PCDHGA2: variants seen among roughly 807,000 people sequenced by gnomAD.
PCDHGA2 encodes the protein protocadherin gamma subfamily A, 2, also known as protocadherin gamma-A2.
A neutral mutation model predicts 59.2 loss-of-function variants in PCDHGA2; 40 were observed. The observed-to-expected ratio is 0.68, with a 90% CI of 0.52 to 0.88. The LOEUF is 0.88. PCDHGA2 is among the 40% of genes least tolerant of loss of function. The pLI is 0.00. For synonymous variants in PCDHGA2, 560 were observed against 526.0 expected, an observed-to-expected ratio of 1.06 and a Z score of -0.89; for missense variants, 1,226 against 1,204.0, an observed-to-expected ratio of 1.02 and a Z score of -0.27.
At position 141,421,672 on chromosome 5, in the gene PCDHGA2, C is replaced by T; in HGVS notation, c.2425-73135C>T. On this transcript the variant is annotated intron_variant, in intron 1 of 3. Coordinates refer to ENST00000394576, the MANE Select transcript of PCDHGA2 (RefSeq NM_018915.4). Reference sequence around the variant, plus strand: ...GATAAAAGTCAGTGAGCACGCAATTCCTGGGGCGCGATTTGCTCTTCCTAA... The same window carrying T: ...GATAAAAGTCAGTGAGCACGCAATTTCTGGGGCGCGATTTGCTCTTCCTAA... 4 of 1,613,862 alleles carry T rather than the reference C, an allele frequency of 2.5e-6. No individual in the cohort carries two copies. The highest frequency in any genetic ancestry group is 1.6e-4 in the Middle Eastern group (1 of 6,062).
intron 2 of PCDHGA2, among the ~76,000 whole-genome samples, chr5:141,501,620 T>G (rs1393018933): frequency 6.6e-6 from 1 of 152,090 alleles, no homozygotes; most frequent in Non-Finnish European, 1.5e-5. Context: ...GACTCTGGTA[T>G]AGTCTCTCAA....
chr5:141,459,311 T>A (rs1298312167), intron 1 of PCDHGA2, among the ~76,000 whole-genome samples: 1 of 152,250 alleles, frequency 6.6e-6, no homozygotes, highest in Non-Finnish European at 1.5e-5. Flanking sequence ...TATACTATTT[T>A]GTATCCATCT....
Position 141,339,550 on chromosome 5 carries a change from AC to A in PCDHGA2, c.580del (p.Leu194TrpfsTer37). 3 of 1,614,136 alleles carry A rather than the reference AC, an allele frequency of 1.9e-6. No homozygotes were observed. Among genetic ancestry groups the A allele is most frequent in the Admixed American group, 3.3e-5 (2 of 60,020 alleles). ...GAGCTGATGGGAACAAGTACCCAGA[AC>A]TGGTGCTGGAGCGCTCTCTGGACCG... ...RGADGNKYPE[L>X]VLERSLDREE... On this transcript the variant is annotated frameshift_variant, in exon 1 of 4. Transcript: ENST00000394576. LOFTEE classifies it high-confidence loss of function.
At chr5:141,426,432 C>T (rs1239073805) in intron 1 of PCDHGA2, 2 of 295,812 alleles carry the variant, frequency 6.8e-6, no homozygotes, top group African/African-American at 2.2e-5. Flanking sequence ...TGGTGGGGAA[C>T]CTTGCGGAGG....
chr5:141,421,642 G>A, intron 1 of PCDHGA2: 1 of 1,613,850 alleles, frequency 6.2e-7, no homozygotes, highest in South Asian at 1.1e-5. Flanking sequence ...GGAGGACGAA[G>A]TGGAGATAAA....
At chr5:141,365,004 C>T (rs746525916) in intron 1 of PCDHGA2, 10 of 1,613,936 alleles carry the variant, frequency 6.2e-6, no homozygotes, top group South Asian at 4.4e-5. Flanking sequence ...CTCTCCGGCA[C>T]CACGCACATC....
At position 141,476,632 on chromosome 5, in the gene PCDHGA2, T is replaced by A. The variant is rs994726301; in HGVS notation, c.2425-18175T>A. ...TGGGAAGCAACTCTTTACAAACCTATGAGCTGAGCCGAAATGAATACTTTG... is the reference window on the plus strand; with the variant it reads ...TGGGAAGCAACTCTTTACAAACCTAAGAGCTGAGCCGAAATGAATACTTTG... On this transcript the variant is annotated intron_variant, in intron 1 of 3. Transcript: ENST00000394576. The surrounding 1 kb of genome is among the most constrained non-coding windows in gnomAD (Gnocchi z 7.6). 1 of 1,614,216 alleles carries A rather than the reference T, an allele frequency of 6.2e-7. No individual in the cohort carries two copies. The highest frequency in any genetic ancestry group is 8.5e-7 in the Non-Finnish European group (1 of 1,180,028).
intron 1 of PCDHGA2, chr5:141,364,342 A>G: frequency 6.5e-7 from 1 of 1,540,308 alleles, no homozygotes; most frequent in Non-Finnish European, 8.7e-7. Flanking sequence ...TGGCGAGTCC[A>G]CCTAGGGGCT....
At chr5:141,354,547 A>G (rs977190350) in intron 1 of PCDHGA2, among the ~76,000 whole-genome samples, 3 of 152,032 alleles carry the variant, frequency 2.0e-5, no homozygotes, top group African/African-American at 7.3e-5. Context: ...TAGAGGGTCA[A>G]CTCCTGTGAG....
At position 141,485,069 on chromosome 5, in the gene PCDHGA2, G is replaced by A. The variant is rs1185236732; in HGVS notation, c.2425-9738G>A. 1.1e-6 allele frequency: 1 copy of A among 905,912 alleles called. No homozygotes were observed. Among genetic ancestry groups the A allele is most frequent in the Non-Finnish European group, 1.7e-6 (1 of 577,940 alleles). The allele number at this position is 905,912 out of a possible 1,614,324, so 56.1% of individuals were successfully genotyped here. A position where few individuals can be genotyped will look rare whatever the true frequency, so the allele number is the denominator to read the frequency against. On this transcript the variant is annotated intron_variant, in intron 1 of 3. Coordinates refer to ENST00000394576, the MANE Select transcript of PCDHGA2 (RefSeq NM_018915.4). This position sits in a 1 kb window ranked among gnomAD's most constrained non-coding sequence, Gnocchi z 5.7. ...GCGCCGGCCGAACCGCGCCAGAGCTGGCGCGGGGAAAGGGAGATAGGTGTC... is the reference window on the plus strand; with the variant it reads ...GCGCCGGCCGAACCGCGCCAGAGCTAGCGCGGGGAAAGGGAGATAGGTGTC...
At chr5:141,394,910 C>T in intron 1 of PCDHGA2, 1 of 1,613,766 alleles carries the variant, frequency 6.2e-7, no homozygotes. Context: ...CAGTGGCTGC[C>T]ATCTCCTGTG....
At chr5:141,345,979 A>G in intron 1 of PCDHGA2, 1 of 1,613,178 alleles carries the variant, frequency 6.2e-7, no homozygotes, top group Non-Finnish European at 8.5e-7. Flanking sequence ...GTCCAGGACC[A>G]CGGCCAGCCC....
chr5:141,419,378 G>C (rs777509820), intron 1 of PCDHGA2: 3 of 1,613,712 alleles, frequency 1.9e-6, no homozygotes, highest in Admixed American at 3.3e-5. Context: ...CTACGTGTCC[G>C]TGAGCGCGCA....
chr5:141,413,578 C>G, intron 1 of PCDHGA2: 1 of 1,613,870 alleles, frequency 6.2e-7, no homozygotes, highest in Non-Finnish European at 8.5e-7. Flanking sequence ...TGACAATGCT[C>G]CAAAATTCCA....
chr5:141,404,300 C>T (rs749132060), intron 1 of PCDHGA2: 3 of 1,613,862 alleles, frequency 1.9e-6, no homozygotes, highest in South Asian at 2.2e-5. Flanking sequence ...TGATAATCCA[C>T]CTGCTTTCTC....
intron 1 of PCDHGA2, chr5:141,408,445 C>T (rs759314379): frequency 2.5e-6 from 4 of 1,613,846 alleles, no homozygotes; most frequent in Admixed American, 1.7e-5. Flanking sequence ...ACGCGGAGAG[C>T]GGGGACTTAC....
At chr5:141,427,164 C>T (rs1171285271) in intron 1 of PCDHGA2, 1 of 456,682 alleles carries the variant, frequency 2.2e-6, no homozygotes, top group Non-Finnish European at 4.4e-6. Context: ...TGTGCTAGAC[C>T]ATCAAAATGG....
chr5:141,370,911 A>C lies in PCDHGA2; in HGVS notation c.2424+29516A>C, dbSNP rs1463962287. On this transcript the variant is annotated intron_variant, in intron 1 of 3. Transcript: ENST00000394576. ...CAATTCGCTGCAGCAGTACTACCTCAGCCCTGATCCGCACTTCTCTTTGAT... is the reference window on the plus strand; with the variant it reads ...CAATTCGCTGCAGCAGTACTACCTCCGCCCTGATCCGCACTTCTCTTTGAT... 3.7e-6 allele frequency: 6 copies of C among 1,613,916 alleles called. No homozygotes were observed. In the Admixed American group the frequency reaches 1.0e-4, roughly 27 times the overall value.
chr5:141,425,013 G>T (rs1666336437), intron 1 of PCDHGA2, among the ~76,000 whole-genome samples: 1 of 152,108 alleles, frequency 6.6e-6, no homozygotes, highest in Non-Finnish European at 1.5e-5. Flanking sequence ...TCTCATTTAG[G>T]AATTTACCTT....
Sources: allele counts gnomAD v4.1 joint callset (sites outside exome capture counted in the v4.1 genomes callset), GRCh38; gene constraint gnomAD v4.1.1; non-coding constraint Gnocchi (gnomAD v3.1); transcripts MANE v1.5; gene names NCBI Gene and HGNC (gene_info 2026-07-23, HGNC 2026-07-21).